The following MRPS22 variants were observed in gnomAD, a reference collection of about 807,000 sequenced individuals.
The protein encoded by MRPS22 is small ribosomal subunit protein mS22.
In MRPS22, 30 loss-of-function variants were observed where a neutral mutation model predicts 44.0. The ratio of observed to expected loss-of-function variants is 0.68; its 90% CI spans 0.51 to 0.93. The LOEUF is 0.93. Among genes scored for constraint, MRPS22 ranks in the 40% least tolerant of loss-of-function variants. The pLI, the probability that MRPS22 is intolerant of heterozygous loss-of-function variation, is 0.00. For missense variants in MRPS22, 447 were observed against 447.8 expected (o/e 1.00, Z 0.02); for synonymous variants, 165 against 154.4 (o/e 1.07, Z -0.51).
At chr3:139,356,877 A>G (rs369219556) in intron 7 of MRPS22, 42 bp from the exon 8 acceptor site, 141 of 1,390,838 alleles carry the variant, frequency 1.0e-4, no homozygotes, top group Non-Finnish European at 1.1e-4. Context: ...TATAAATAGC[A>G]TATGTCCTAT....
At position 139,352,745 on chromosome 3, in the gene MRPS22, T is replaced by A; in HGVS notation, c.831T>A (p.Asn277Lys). ...YFGGMVWYFVNNKKIDGLLID... is the reference protein window; with the variant it reads ...YFGGMVWYFVKNKKIDGLLID... ...GTGGAATGGTGTGGTATTTTGTAAA[T>A]AATAAAAAGATTGATGGTTTGCTGA... The change falls in exon 6 of 8, where the codon AAT becomes AAA. Residue 277 changes from asparagine to lysine, a missense_variant. By Grantham distance (94) the Asn-to-Lys change is moderately conservative (BLOSUM62 0). Transcript: ENST00000680020. 2 of 1,613,808 alleles carry A rather than the reference T, an allele frequency of 1.2e-6. No homozygotes were observed. The highest frequency in any genetic ancestry group is 1.7e-6 in the Non-Finnish European group (2 of 1,179,788).
At chr3:139,348,845 G>C (rs1941093304) in intron 3 of MRPS22, among the ~76,000 whole-genome samples, 1 of 152,150 alleles carries the variant, frequency 6.6e-6, no homozygotes, top group Non-Finnish European at 1.5e-5. Context: ...CTTCTGTTGT[G>C]ATTGTTATTC....
chr3:139,352,900 T>A lies in MRPS22; in HGVS notation c.878+108T>A, dbSNP rs2107790439. 5.0e-6 allele frequency: 6 copies of A among 1,192,250 alleles called. No individual in the cohort carries two copies. The East Asian group carries it at 1.4e-4, about 29-fold the overall frequency. The allele number at this position is 1,192,250 out of a possible 1,614,324, so 73.9% of individuals were successfully genotyped here. A position where few individuals can be genotyped will look rare whatever the true frequency, so the allele number is the denominator to read the frequency against. Reference sequence around the variant, plus strand: ...TGATAACAGTGTACTGTCTAGTGCTTGCTTACCTCAGTTTATGGATTTGTT... The same window carrying A: ...TGATAACAGTGTACTGTCTAGTGCTAGCTTACCTCAGTTTATGGATTTGTT... On this transcript the variant is annotated intron_variant, in intron 6 of 7. Transcript: ENST00000680020.
chr3:139,354,462 T>C lies in MRPS22; in HGVS notation c.879-1220T>C, dbSNP rs548756031. Reference sequence around the variant, plus strand: ...CTCCAAAGGGAATCTTAATTTTTTATTGGGGAGACATTTCGTTACTACATT... The same window carrying C: ...CTCCAAAGGGAATCTTAATTTTTTACTGGGGAGACATTTCGTTACTACATT... On this transcript the variant is annotated intron_variant, in intron 6 of 7. Transcript: ENST00000680020. Among the ~76,000 whole-genome samples the C allele has an allele frequency of 4.5e-4, 68 of 152,348 alleles. 1 individual carries two copies. In the South Asian group the frequency reaches 0.012, roughly 28 times the overall value.
Position 139,352,803 on chromosome 3 carries a change from T to G in MRPS22, c.878+11T>G. 1.2e-6 allele frequency: 2 copies of G among 1,611,748 alleles called. No homozygotes were observed. The highest frequency in any genetic ancestry group is 8.5e-7 in the Non-Finnish European group (1 of 1,178,588). ...GATTCAGAGAGATTTGTAAGTATGA[T>G]CTTAGTAAGTGAAAGAATCATTCTT... On this transcript the variant is annotated intron_variant, in intron 6 of 7. Coordinates refer to ENST00000680020, the MANE Select transcript of MRPS22 (RefSeq NM_020191.4).
At chr3:139,355,980 T>A (rs1298528200) in intron 7 of MRPS22, among the ~76,000 whole-genome samples, 190 bp downstream of exon 7, 2 of 151,536 alleles carry the variant, frequency 1.3e-5, no homozygotes, top group Non-Finnish European at 2.9e-5. Context: ...GGGAGGGGGG[T>A]AAAGTGCAGT....
Position 139,350,172 on chromosome 3 carries a change from A to C in MRPS22, c.505-7A>C. 1 of 1,614,066 alleles carries C rather than the reference A, an allele frequency of 6.2e-7. No individual in the cohort carries two copies. Among genetic ancestry groups the C allele is most frequent in the Non-Finnish European group, 8.5e-7 (1 of 1,179,972 alleles). The stretch of plus-strand genomic sequence containing the variant: ...AACGCATCCTTGATTATGTTTTTCT[A>C]TTTTAGGAGCGTTTTATTGTCGTCA... On this transcript the variant is annotated splice_region_variant and splice_polypyrimidine_tract_variant and intron_variant, in intron 3 of 7. Coordinates refer to ENST00000680020, the MANE Select transcript of MRPS22 (RefSeq NM_020191.4).
chr3:139,344,045 A>G lies in MRPS22; in HGVS notation c.19A>G (p.Thr7Ala). 2 of 1,614,060 alleles carry G rather than the reference A, an allele frequency of 1.2e-6. No homozygotes were observed. The highest frequency in any genetic ancestry group is 1.7e-6 in the Non-Finnish European group (2 of 1,180,014). The change falls in exon 1 of 8, where the codon ACT becomes GCT. Residue 7 changes from threonine to alanine, a missense_variant. Transcript: ENST00000680020. The part of the protein sequence containing the change: MAPLGT[T>A]VLLWSLLRSS... ...GATAATCATGGCGCCCCTCGGAACAACTGTATTGCTGTGGAGCCTCTTGAG... is the reference window on the plus strand; with the variant it reads ...GATAATCATGGCGCCCCTCGGAACAGCTGTATTGCTGTGGAGCCTCTTGAG...
chr3:139,350,767 C>T (rs1235247376), intron 4 of MRPS22: 1 of 596,690 alleles, frequency 1.7e-6, no homozygotes, highest in African/African-American at 1.9e-5. Context: ...CTCCTTACCA[C>T]CCAAGATGGG....
chr3:139,344,443 T>A, intron 1 of MRPS22: 1 of 617,660 alleles, frequency 1.6e-6, no homozygotes, highest in Non-Finnish European at 2.9e-6. Flanking sequence ...CTGTGGGATA[T>A]GGCAAACTAA....
chr3:139,352,596 T>G, intron 5 of MRPS22, 51 bp from the exon 6 acceptor site: 1 of 1,552,936 alleles, frequency 6.4e-7, no homozygotes. Context: ...TGAATAATGC[T>G]GCATACTTCT....
intron 5 of MRPS22, chr3:139,351,830 G>A (rs1176339913): frequency 6.5e-6 from 1 of 153,150 alleles, no homozygotes; most frequent in Non-Finnish European, 1.5e-5. Context: ...TAGGAAGGTG[G>A]ATGTAGCCAC....
Position 139,352,688 on chromosome 3 carries a change from A to G in MRPS22, c.774A>G (p.Lys258=). Residue 258 remains lysine (K), a synonymous_variant, in exon 6 of 8, where the codon AAA becomes AAG. Coordinates refer to ENST00000680020, the MANE Select transcript of MRPS22 (RefSeq NM_020191.4). ...KTYEDIDKRG[K]YDLLRSTRYF... ...ATGAAGATATAGATAAACGTGGAAA[A>G]TATGACCTTTTACGTTCAACAAGAT... is the stretch of plus-strand genomic sequence containing the variant. 1 of 1,613,594 alleles carries G rather than the reference A, an allele frequency of 6.2e-7. No individual in the cohort carries two copies. Among genetic ancestry groups the G allele is most frequent in the Non-Finnish European group, 8.5e-7 (1 of 1,179,532 alleles).
intron 7 of MRPS22, 23 bp downstream of exon 7, chr3:139,355,813 G>A: frequency 2.5e-6 from 4 of 1,572,800 alleles, no homozygotes; most frequent in Non-Finnish European, 3.5e-6. Flanking sequence ...TTTCATATTG[G>A]TTGTTTTGTG....
rs1366122618 is a variant in MRPS22 at position 139,346,974 on chromosome 3, C to T, written c.269C>T (p.Thr90Ile). 1 of 1,614,186 alleles carries T rather than the reference C, an allele frequency of 6.2e-7. No individual in the cohort carries two copies. The highest frequency in any genetic ancestry group is 1.3e-5 in the African/African-American group (1 of 75,042). The change falls in exon 2 of 8, where the codon ACT becomes ATT. Residue 90 changes from threonine (T) to isoleucine (I), a missense_variant. Coordinates refer to ENST00000680020, the MANE Select transcript of MRPS22 (RefSeq NM_020191.4). Reference protein sequence around the residue: ...TKMTGLNLQKTFKPAIQELKP... With the variant: ...TKMTGLNLQKIFKPAIQELKP... ...ATGACAGGCTTGAACTTGCAGAAGA[C>T]TTTTAAGCCAGCTATACAAGAACTG...
At chr3:139,353,581 A>G (rs945483646) in intron 6 of MRPS22, among the ~76,000 whole-genome samples, 1 of 152,204 alleles carries the variant, frequency 6.6e-6, no homozygotes, top group African/African-American at 2.4e-5. Context: ...TACAAACCAT[A>G]TACACAAAGG....
chr3:139,351,509 G>GC (rs1231369086), intron 5 of MRPS22: 47 of 230,906 alleles, frequency 2.0e-4, no homozygotes, highest in African/African-American at 1.0e-3. Flanking sequence ...AGTATGCTGT[G>GC]CCAAAGCCAG....
chr3:139,349,363 C>A (rs1941105828), intron 3 of MRPS22: 1 of 448,078 alleles, frequency 2.2e-6, no homozygotes, highest in South Asian at 1.6e-5. Context: ...ATCTTCAGAA[C>A]ACATTTAGAG....
intron 1 of MRPS22, among the ~76,000 whole-genome samples, 197 bp downstream of exon 1, chr3:139,344,395 G>A (rs1047927581): frequency 6.6e-6 from 1 of 152,246 alleles, no homozygotes; most frequent in African/African-American, 2.4e-5. Context: ...CAACTACAGT[G>A]CCTGAGTTCC....
Sources: gnomAD v4.1 joint callset for allele counts (sites outside exome capture counted in the v4.1 genomes callset) on GRCh38, gnomAD v4.1.1 for gene constraint, MANE v1.5 for transcripts, NCBI Gene and HGNC (gene_info 2026-07-23, HGNC 2026-07-21) for gene names.